The following KCNU1 variants were observed in gnomAD, a reference collection of about 807,000 sequenced individuals.
The protein encoded by KCNU1 is potassium calcium-activated channel subfamily U member 1.
In KCNU1, 93 loss-of-function variants were observed where a neutral mutation model predicts 126.8. That is an observed-to-expected ratio of 0.73 (90% CI 0.62 to 0.87). The LOEUF (loss-of-function observed/expected upper bound fraction) is 0.87. Ranked by LOEUF, KCNU1 falls within the 40% of genes least tolerant of loss-of-function variation. KCNU1 has a pLI of 0.00. For synonymous variants in KCNU1, 523 were observed against 494.2 expected (o/e 1.06, Z -0.77); for missense variants, 1,330 against 1,367.1 (o/e 0.97, Z 0.43).
At chr8:36,912,948 CAG>C (rs1246890539) in intron 22 of KCNU1, among the ~76,000 whole-genome samples, 1 of 53,694 alleles carries the variant, frequency 1.9e-5, no homozygotes, top group African/African-American at 7.9e-5. Context: ...AGTCTGGTGA[CAG>C]AGCAAAAAAA....
Position 36,882,801 on chromosome 8 carries a change from T to C in KCNU1, c.2009+18280T>C, listed in dbSNP as rs373583642. 2.0e-4 allele frequency among the ~76,000 whole-genome samples: 31 copies of C among 152,286 alleles called. No homozygotes were observed. In the South Asian group the frequency reaches 6.4e-3, roughly 32 times the overall value. ...TTTCTCCATGTTGGTCAGGCTGGTCTCGAACTCCTGACCTCAGGTGATCCT... is the reference window on the plus strand; with the variant it reads ...TTTCTCCATGTTGGTCAGGCTGGTCCCGAACTCCTGACCTCAGGTGATCCT... On this transcript the variant is annotated intron_variant, in intron 19 of 26. Transcript: ENST00000399881.
At chr8:36,787,472 G>C (rs1802749477) in intron 2 of KCNU1, 47 bp downstream of exon 2, 1 of 1,554,916 alleles carries the variant, frequency 6.4e-7, no homozygotes. Context: ...TTAGCCATAG[G>C]TGTGATTATA....
chr8:36,860,630 A>C (rs1805694712), intron 18 of KCNU1, among the ~76,000 whole-genome samples: 1 of 152,168 alleles, frequency 6.6e-6, no homozygotes, highest in African/African-American at 2.4e-5. Context: ...CATGTGATAG[A>C]GTAGAGGGAA....
intron 16 of KCNU1, among the ~76,000 whole-genome samples, chr8:36,844,471 G>A (rs531566488): frequency 7.9e-5 from 12 of 152,180 alleles, no homozygotes; most frequent in South Asian, 6.2e-4. Context: ...TTAAGGGGCC[G>A]CAGTTGTATT....
At chr8:36,817,143 T>G (rs886109085) in intron 9 of KCNU1, among the ~76,000 whole-genome samples, 1 of 152,176 alleles carries the variant, frequency 6.6e-6, no homozygotes, top group Admixed American at 6.5e-5. Flanking sequence ...GATAGAAGAC[T>G]GTGGATATCT....
intron 18 of KCNU1, among the ~76,000 whole-genome samples, chr8:36,857,907 A>G (rs964125541): frequency 3.9e-5 from 6 of 152,164 alleles, no homozygotes; most frequent in Admixed American, 2.0e-4. Flanking sequence ...CAGCCTCCCA[A>G]AGTGCTGGGA....
intron 19 of KCNU1, among the ~76,000 whole-genome samples, chr8:36,886,054 A>C (rs372966935): frequency 4.6e-5 from 7 of 152,314 alleles, no homozygotes; most frequent in African/African-American, 1.4e-4. Context: ...CGTATCCCAC[A>C]CATTACCACC....
intron 7 of KCNU1, among the ~76,000 whole-genome samples, chr8:36,809,198 G>A (rs1563268174): frequency 6.6e-6 from 1 of 152,116 alleles, no homozygotes; most frequent in Non-Finnish European, 1.5e-5. Context: ...GTTGCAAAGG[G>A]GAGTTTGGGG....
intron 18 of KCNU1, among the ~76,000 whole-genome samples, chr8:36,846,382 G>A (rs765674148): frequency 4.6e-5 from 7 of 152,272 alleles, no homozygotes; most frequent in East Asian, 1.9e-4. Context: ...ACATGGTGCC[G>A]AGGGAATGTA....
At chr8:36,922,987 T>C (rs984876908) in intron 24 of KCNU1, 1 of 469,450 alleles carries the variant, frequency 2.1e-6, no homozygotes, top group Non-Finnish European at 4.2e-6. Flanking sequence ...AAACAGCTCA[T>C]GTGGAAATTG....
intron 7 of KCNU1, among the ~76,000 whole-genome samples, chr8:36,811,434 C>A (rs967771166): frequency 3.9e-5 from 6 of 152,104 alleles, no homozygotes; most frequent in Non-Finnish European, 7.3e-5. Context: ...TTCTTGACAA[C>A]ATTGGTCAAT....
At chr8:36,800,139 A>G (rs1165806576) in intron 2 of KCNU1, among the ~76,000 whole-genome samples, 1 of 152,118 alleles carries the variant, frequency 6.6e-6, no homozygotes. Flanking sequence ...TCTTTCATGA[A>G]AGTCATTCCA....
At chr8:36,900,959 A>G (rs939976077) in intron 19 of KCNU1, among the ~76,000 whole-genome samples, 5 of 152,112 alleles carry the variant, frequency 3.3e-5, no homozygotes, top group Non-Finnish European at 4.4e-5. Flanking sequence ...CATCCAGGCC[A>G]GAAAACTCTC....
chr8:36,917,323 C>T (rs536581091), intron 22 of KCNU1, among the ~76,000 whole-genome samples: 1 of 151,236 alleles, frequency 6.6e-6, no homozygotes, highest in Non-Finnish European at 1.5e-5. Flanking sequence ...TTTTTCATGG[C>T]ACCCTATTTT....
chr8:36,925,362 T>G (rs1808499660), intron 24 of KCNU1, among the ~76,000 whole-genome samples: 1 of 152,178 alleles, frequency 6.6e-6, no homozygotes, highest in Admixed American at 6.5e-5. Context: ...GCGTCTTCTA[T>G]GTCAAGGGTG....
intron 19 of KCNU1, among the ~76,000 whole-genome samples, chr8:36,876,333 A>T (rs1806277294): frequency 6.6e-6 from 1 of 152,202 alleles, no homozygotes; most frequent in Non-Finnish European, 1.5e-5. Context: ...AAGAAAACAG[A>T]CAAGGAACCA....
intron 19 of KCNU1, among the ~76,000 whole-genome samples, chr8:36,885,799 A>C (rs368905677): frequency 9.9e-5 from 15 of 152,268 alleles, no homozygotes; most frequent in African/African-American, 3.1e-4. Context: ...TCTAAAAAAA[A>C]AGAAAAAGGA....
At chr8:36,813,106 G>A (rs1343110824) in intron 7 of KCNU1, among the ~76,000 whole-genome samples, 1 of 152,162 alleles carries the variant, frequency 6.6e-6, no homozygotes, top group African/African-American at 2.4e-5. Context: ...CCAGAAGTCA[G>A]TGACTTTGCA....
chr8:36,879,191 ATGTGTG>A (rs767490761), intron 19 of KCNU1, among the ~76,000 whole-genome samples: 2 of 114,974 alleles, frequency 1.7e-5, no homozygotes, highest in African/African-American at 3.2e-5. Flanking sequence ...GCATATATGT[ATGTGTG>A]TGTGTGTGTG....
Sources: allele counts gnomAD v4.1 joint callset (sites outside exome capture counted in the v4.1 genomes callset), GRCh38; gene constraint gnomAD v4.1.1; transcripts MANE v1.5; gene names NCBI Gene and HGNC (gene_info 2026-07-23, HGNC 2026-07-21).